The following RBBP9 variants were observed in gnomAD, a reference collection of about 807,000 sequenced individuals.
RBBP9 encodes RB binding protein 9, serine hydrolase, also known as serine hydrolase RBBP9.
A neutral mutation model predicts 24.2 loss-of-function variants in RBBP9; 20 were observed. The ratio of observed to expected loss-of-function variants is 0.83; its 90% CI spans 0.58 to 1.20. The LOEUF (loss-of-function observed/expected upper bound fraction) is 1.20, where lower values mean the gene tolerates loss of function less well. RBBP9 is among the 50% of genes most tolerant of loss of function. RBBP9 has a pLI of 0.00. For synonymous variants in RBBP9, 74 were observed against 84.6 expected (o/e 0.87, Z 0.69); for missense variants, 234 against 233.6 (o/e 1.00, Z -0.01).
intron 3 of RBBP9, 47 bp downstream of exon 3, chr20:18,493,911 C>G (rs757379380): frequency 7.1e-6 from 10 of 1,416,632 alleles, no homozygotes; most frequent in Admixed American, 4.3e-5. Flanking sequence ...CTCAAGCAAG[C>G]ATGACTGGAG....
At chr20:18,496,294 C>T (rs1404461548) in intron 1 of RBBP9, among the ~76,000 whole-genome samples, 1 of 152,196 alleles carries the variant, frequency 6.6e-6, no homozygotes, top group East Asian at 1.9e-4. Flanking sequence ...GGGGTTGTAA[C>T]TCTGACCAGG....
Position 18,493,985 on chromosome 20 carries a change from T to C in RBBP9, c.221A>G (p.His74Arg), listed in dbSNP as rs2059874664. ...CATGGCCGCGATGGCCCCAGAACTG[T>C]GGCCAATGATGATAGTCTTCTCATC... ...HCDEKTIIIG[H>R]SSGAIAAMRY... Residue 74 changes from histidine (H) to arginine (R), a missense_variant, in exon 3 of 5, where the codon CAC becomes CGC. Coordinates refer to ENST00000337227, the MANE Select transcript of RBBP9 (RefSeq NM_006606.3). The C allele has an allele frequency of 6.2e-7, 1 of 1,613,046 alleles. No individual in the cohort carries two copies. The highest frequency in any genetic ancestry group is 8.5e-7 in the Non-Finnish European group (1 of 1,179,680).
rs762297177 is a variant in RBBP9, at chr20:18,497,177, G to A, written c.-10C>T. ...TGCTAGGAGAAGCCATGAGTGCAGC[G>A]AGGCCAGAGTTCCCCAGCGCGGGTC... On this transcript the variant is annotated 5_prime_UTR_variant, in exon 1 of 5. Transcript: ENST00000337227. 8 of 1,608,490 alleles carry A rather than the reference G, an allele frequency of 5.0e-6. No homozygotes were observed. The highest frequency in any genetic ancestry group is 3.3e-5 in the South Asian group (3 of 90,852).
chr20:18,493,625 G>T (rs2059873286), intron 3 of RBBP9, among the ~76,000 whole-genome samples: 1 of 152,148 alleles, frequency 6.6e-6, no homozygotes. Flanking sequence ...CATGTACTTG[G>T]CATGTTCCAG....
chr20:18,497,065 T>C lies in RBBP9; in HGVS notation c.99+4A>G, dbSNP rs1466855835. On this transcript the variant is annotated splice_donor_region_variant and intron_variant, in intron 1 of 4. Coordinates refer to ENST00000337227, the MANE Select transcript of RBBP9 (RefSeq NM_006606.3). ...TTCACGGAGCAGCGGCGTTGGGCGC[T>C]TACCTTCTCCAGCTCCTTTTTCACC... 19 of 1,613,362 alleles carry C rather than the reference T, an allele frequency of 1.2e-5. No individual in the cohort carries two copies. The highest frequency in any genetic ancestry group is 1.5e-5 in the Non-Finnish European group (18 of 1,179,372).
intron 2 of RBBP9, among the ~76,000 whole-genome samples, chr20:18,494,283 T>TC (rs1491305567): frequency 0.079 from 32 of 404 alleles, no homozygotes; most frequent in Non-Finnish European, 0.22. Flanking sequence ...TTCTTTTCTC[T>TC]TTTTTTTTTT....
chr20:18,495,659 AAAAG>A (rs1296745413), intron 2 of RBBP9, among the ~76,000 whole-genome samples, 175 bp downstream of exon 2: 4 of 151,184 alleles, frequency 2.6e-5, no homozygotes, highest in Admixed American at 2.0e-4. Context: ...AAAAAAAAAA[AAAAG>A]AATTTTCTAT....
intron 1 of RBBP9, 84 bp downstream of exon 1, chr20:18,496,985 C>T (rs192683429): frequency 1.9e-6 from 2 of 1,080,864 alleles, no homozygotes; most frequent in Admixed American, 3.8e-5. Context: ...GGATTAGACG[C>T]CTATTCAAAC....
At chr20:18,490,356 A>C in intron 4 of RBBP9, 39 bp downstream of exon 4, 4 of 1,505,048 alleles carry the variant, frequency 2.7e-6, no homozygotes, top group Non-Finnish European at 3.7e-6. Context: ...CCCCATGTCT[A>C]GAGAAGGGCT....
rs1024405551 is a variant in RBBP9, at chr20:18,486,821, A to G, written c.*2943T>C. On this transcript the variant is annotated 3_prime_UTR_variant, in exon 5 of 5. Transcript: ENST00000337227. ...GTGTATAGAGGCCCCTGTATATTCA[A>G]TGATGACCACAAAGAATCAAACAGA... 6 of 152,118 alleles carry G rather than the reference A, an allele frequency of 3.9e-5. No homozygotes were observed. Among genetic ancestry groups the G allele is most frequent in the African/African-American group, 7.2e-5 (3 of 41,450 alleles). The allele number at this position is 152,118 out of a possible 1,614,324, so 9.4% of individuals were successfully genotyped here. A position where few individuals can be genotyped will look rare whatever the true frequency, so the allele number is the denominator to read the frequency against.
intron 1 of RBBP9, 108 bp downstream of exon 1, chr20:18,496,961 G>A: frequency 1.2e-6 from 1 of 856,984 alleles, no homozygotes; most frequent in East Asian, 2.7e-5. Context: ...AAACACACAG[G>A]GCTTTGCTAG....
intron 3 of RBBP9, 52 bp from the exon 4 acceptor site, chr20:18,490,532 CA>C: frequency 7.4e-7 from 1 of 1,353,538 alleles, no homozygotes; most frequent in Non-Finnish European, 1.1e-6. Context: ...CTCTGATCAC[CA>C]AAAAGTCAAT....
intron 3 of RBBP9, among the ~76,000 whole-genome samples, chr20:18,491,367 T>C (rs1428351570): frequency 6.6e-6 from 1 of 152,234 alleles, no homozygotes; most frequent in East Asian, 1.9e-4. Context: ...TATTGATCTT[T>C]GTGTTCCTGG....
chr20:18,493,920 A>C (rs1236214534), intron 3 of RBBP9, 38 bp downstream of exon 3: 1 of 1,464,932 alleles, frequency 6.8e-7, no homozygotes, highest in African/African-American at 1.4e-5. Flanking sequence ...GCATGACTGG[A>C]GCCCACAAAG....
At position 18,497,072 on chromosome 20, in the gene RBBP9, C is replaced by G. The variant is rs2059889305; in HGVS notation, c.96G>C (p.Glu32Asp). The G allele has an allele frequency of 3.7e-6, 6 of 1,613,952 alleles. No individual in the cohort carries two copies. The East Asian group carries it at 1.3e-4, about 36-fold the overall frequency. ...GWYGWVKKELEKIPGFQCLAK... is the reference protein window; with the variant it reads ...GWYGWVKKELDKIPGFQCLAK... ...AGCAGCGGCGTTGGGCGCTTACCTTCTCCAGCTCCTTTTTCACCCAGCCAT... is the reference window on the plus strand; with the variant it reads ...AGCAGCGGCGTTGGGCGCTTACCTTGTCCAGCTCCTTTTTCACCCAGCCAT... The change falls in exon 1 of 5, where the codon GAG becomes GAC. Residue 32 changes from glutamate to aspartate, a missense_variant. Physicochemically the swap from Glu to Asp is conservative, Grantham distance 45. Coordinates refer to ENST00000337227, the MANE Select transcript of RBBP9 (RefSeq NM_006606.3).
chr20:18,496,179 G>A (rs1364902794), intron 1 of RBBP9, among the ~76,000 whole-genome samples: 1 of 152,192 alleles, frequency 6.6e-6, no homozygotes, highest in African/African-American at 2.4e-5. Context: ...AGACTGACCT[G>A]GAGCCAAATA....
chr20:18,497,194 G>C lies in RBBP9; in HGVS notation c.-27C>G. The C allele has an allele frequency of 6.3e-7, 1 of 1,583,146 alleles. No homozygotes were observed. Among genetic ancestry groups the C allele is most frequent in the East Asian group, 2.2e-5 (1 of 44,488 alleles). Reference sequence around the variant, plus strand: ...AGTGCAGCGAGGCCAGAGTTCCCCAGCGCGGGTCCAGCGGAGCTGAGCCCA... The same window carrying C: ...AGTGCAGCGAGGCCAGAGTTCCCCACCGCGGGTCCAGCGGAGCTGAGCCCA... On this transcript the variant is annotated 5_prime_UTR_variant, in exon 1 of 5. Coordinates refer to ENST00000337227, the MANE Select transcript of RBBP9 (RefSeq NM_006606.3).
Position 18,489,886 on chromosome 20 carries a change from G to C in RBBP9, c.439C>G (p.Gln147Glu), listed in dbSNP as rs145102973. The C allele has an allele frequency of 1.0e-4, 166 of 1,613,812 alleles. No individual in the cohort carries two copies. The highest frequency in any genetic ancestry group is 1.3e-4 in the Non-Finnish European group (157 of 1,179,828). Reference protein sequence around the residue: ...DDPFLPWKEQQEVADRLETKL... With the variant: ...DDPFLPWKEQEEVADRLETKL... Reference sequence around the variant, plus strand: ...GTTTCCAACCTATCGGCCACTTCTTGTTGTTCCTTCCAGGGAAGGAACGGG... The same window carrying C: ...GTTTCCAACCTATCGGCCACTTCTTCTTGTTCCTTCCAGGGAAGGAACGGG... Residue 147 changes from glutamine (Q) to glutamate (E), a missense_variant, in exon 5 of 5, where the codon CAA (glutamine) becomes GAA (glutamate). Gln to Glu is a conservative substitution (Grantham distance 29). Coordinates refer to ENST00000337227, the MANE Select transcript of RBBP9 (RefSeq NM_006606.3).
Position 18,491,211 on chromosome 20 carries a change from G to C in RBBP9, c.249-731C>G, listed in dbSNP as rs77792776. Among the ~76,000 whole-genome samples, 1,232 of 152,286 alleles carry C rather than the reference G, an allele frequency of 8.1e-3. 16 individuals carry two copies. Among genetic ancestry groups the C allele is most frequent in the African/African-American group, 0.028 (1,149 of 41,570 alleles). Reference sequence around the variant, plus strand: ...GATGACTCTAATGCAAGTGGTCTGTGAACTGTATTTTAAGAAACACTGTAT... The same window carrying C: ...GATGACTCTAATGCAAGTGGTCTGTCAACTGTATTTTAAGAAACACTGTAT... On this transcript the variant is annotated intron_variant, in intron 3 of 4. Coordinates refer to ENST00000337227, the MANE Select transcript of RBBP9 (RefSeq NM_006606.3).
Sources: allele counts gnomAD v4.1 joint callset (sites outside exome capture counted in the v4.1 genomes callset), GRCh38; gene constraint gnomAD v4.1.1; transcripts MANE v1.5; gene names NCBI Gene and HGNC (gene_info 2026-07-23, HGNC 2026-07-21).